The following QTGAL variants were observed in gnomAD, a reference collection of about 807,000 sequenced individuals.
QTGAL encodes BGnT-like protein 1.
the QTGAL span, chr17:82,960,924 C>A: frequency 1.5e-6 from 2 of 1,346,688 alleles, no homozygotes; most frequent in Admixed American, 2.7e-5. Flanking sequence ...CCGTGTCCCA[C>A]CAGACCCTGG....
the QTGAL span, chr17:82,961,384 G>GA: frequency 3.8e-6 from 1 of 261,558 alleles, no homozygotes; most frequent in South Asian, 3.3e-5. Flanking sequence ...CCACAGGCGG[G>GA]AAAGAGGGGA....
chr17:82,970,682 A>G, the QTGAL span, among the ~76,000 whole-genome samples: 1 of 146,922 alleles, frequency 6.8e-6, no homozygotes, highest in African/African-American at 2.5e-5. Context: ...CGTGGCCGTG[A>G]TGCGAGGCCT....
the QTGAL span, among the ~76,000 whole-genome samples, chr17:82,959,311 G>GCACATGCCTGCATGTACCGTGCA: frequency 6.6e-6 from 1 of 151,912 alleles, no homozygotes; most frequent in Non-Finnish European, 1.5e-5. Context: ...TGCAGTGAGT[G>GCACATGCCTGCATGTACCGTGCA]CACATGCCTG....
the QTGAL span, among the ~76,000 whole-genome samples, chr17:82,969,332 G>GTGTTT: frequency 2.6e-5 from 4 of 151,040 alleles, no homozygotes; most frequent in Non-Finnish European, 5.9e-5. Flanking sequence ...GCTGATTTTT[G>GTGTTT]TATTTTAGTA....
the QTGAL span, among the ~76,000 whole-genome samples, chr17:83,014,034 G>A: frequency 6.6e-6 from 1 of 152,302 alleles, no homozygotes; most frequent in East Asian, 1.9e-4. Context: ...GCACTGCTGG[G>A]CTGAGGAGGG....
At chr17:82,992,124 T>C in the QTGAL span, among the ~76,000 whole-genome samples, 447 of 152,146 alleles carry the variant, frequency 2.9e-3, 9 homozygotes, top group Admixed American at 0.026. Context: ...GGTAGAGAGA[T>C]AGGGGTAGAA....
chr17:83,026,720 G>T, the QTGAL span, among the ~76,000 whole-genome samples: 2 of 59,956 alleles, frequency 3.3e-5, no homozygotes, highest in African/African-American at 1.5e-4. Flanking sequence ...ACACGCAGAG[G>T]AGGGCAGGAA....
chr17:82,997,943 ATATATC>A, the QTGAL span, among the ~76,000 whole-genome samples: 1 of 148,394 alleles, frequency 6.7e-6, no homozygotes, highest in Non-Finnish European at 1.5e-5. Flanking sequence ...ATATATATAT[ATATATC>A]TATATCTATC....
chr17:83,017,993 TGCTCCGTG>T, the QTGAL span, among the ~76,000 whole-genome samples: 1 of 140,376 alleles, frequency 7.1e-6, no homozygotes, highest in Non-Finnish European at 1.5e-5. Context: ...GTACCACACG[TGCTCCGTG>T]AACACCGTGC....
At chr17:83,005,375 A>G in the QTGAL span, among the ~76,000 whole-genome samples, 1 of 152,092 alleles carries the variant, frequency 6.6e-6, no homozygotes, top group African/African-American at 2.4e-5. The surrounding 1 kb of genome is among the most constrained non-coding windows in gnomAD (Gnocchi z 5.6). Context: ...GAGGGCGAGG[A>G]GGAGGAGGGA....
chr17:82,944,218 C>G, the QTGAL span: 1 of 152,192 alleles, frequency 6.6e-6, no homozygotes, highest in African/African-American at 2.4e-5. Context: ...CTTTTAATGT[C>G]GGTCTAACTT....
the QTGAL span, among the ~76,000 whole-genome samples, chr17:83,036,244 C>A: frequency 1.3e-5 from 2 of 152,246 alleles, no homozygotes; most frequent in African/African-American, 4.8e-5. Context: ...GGGTGCCTCT[C>A]CCAGGCTGCT....
chr17:82,982,205 C>G, the QTGAL span, among the ~76,000 whole-genome samples: 1 of 17,668 alleles, frequency 5.7e-5, no homozygotes, highest in African/African-American at 1.7e-4. Flanking sequence ...ATGGGCCGAG[C>G]GGGCCGAGGA....
the QTGAL span, chr17:83,048,496 C>T: frequency 1.4e-5 from 22 of 1,612,616 alleles, no homozygotes; most frequent in African/African-American, 5.3e-5. Context: ...GAGAATCGTG[C>T]CCCCCAATGA....
the QTGAL span, among the ~76,000 whole-genome samples, chr17:82,966,787 G>C: frequency 6.6e-6 from 1 of 152,346 alleles, no homozygotes; most frequent in East Asian, 1.9e-4. Flanking sequence ...TCTCAGGTAA[G>C]AAGAGGCACA....
At chr17:83,010,314 G>A in the QTGAL span, among the ~76,000 whole-genome samples, 72 of 152,290 alleles carry the variant, frequency 4.7e-4, no homozygotes, top group Non-Finnish European at 1.9e-4. Context: ...ACCCAGGCCT[G>A]ACAGCCCGAA....
At chr17:83,037,425 C>G in the QTGAL span, among the ~76,000 whole-genome samples, 2,133 of 152,312 alleles carry the variant, frequency 0.014, 49 homozygotes, top group African/African-American at 0.048. The surrounding 1 kb of genome is among the most constrained non-coding windows in gnomAD (Gnocchi z 5.2). Flanking sequence ...GCATTAATCC[C>G]TAAAGTTTAG....
the QTGAL span, chr17:82,945,358 G>A: frequency 2.0e-5 from 3 of 152,184 alleles, no homozygotes; most frequent in Non-Finnish European, 4.4e-5. Context: ...ATACTGACAT[G>A]CAACAGTCCC....
the QTGAL span, among the ~76,000 whole-genome samples, chr17:83,017,911 C>T: frequency 2.6e-5 from 4 of 151,118 alleles, no homozygotes; most frequent in African/African-American, 7.3e-5. Context: ...AGGTACCACA[C>T]GTGCTCCACA....
Sources: allele counts gnomAD v4.1 joint callset (sites outside exome capture counted in the v4.1 genomes callset), GRCh38; gene constraint gnomAD v4.1.1; non-coding constraint Gnocchi (gnomAD v3.1); transcripts MANE v1.5; gene names NCBI Gene and HGNC (gene_info 2026-07-23, HGNC 2026-07-21).